The following CDH22 variants were observed in gnomAD, a reference collection of about 807,000 sequenced individuals.
The protein encoded by CDH22 is cadherin 22, also known as cadherin-22.
In CDH22, 30 loss-of-function variants were observed where a neutral mutation model predicts 58.4. The observed-to-expected ratio is 0.51, with a 90% CI of 0.38 to 0.70. The LOEUF (loss-of-function observed/expected upper bound fraction) is 0.70, where lower values mean the gene tolerates loss of function less well. Ranked by LOEUF, CDH22 falls within the 30% of genes least tolerant of loss-of-function variation. The pLI is 0.00. For synonymous variants in CDH22, 513 were observed against 558.2 expected (o/e 0.92, Z 1.14); for missense variants, 1,014 against 1,233.9 (o/e 0.82, Z 2.67).
rs916092480 is a variant in CDH22, at chr20:46,274,375, G to C, written c.-399-22682C>G. Among the ~76,000 whole-genome samples, 2 of 152,186 alleles carry C rather than the reference G, an allele frequency of 1.3e-5. 1 individual carries two copies. Among genetic ancestry groups the C allele is most frequent in the Admixed American group, 1.3e-4 (2 of 15,266 alleles). ...CTGGACACCACGTGCCCAAGTTATGGATGATGGTTCTAATGCCTTTCTCCT... is the reference window on the plus strand; with the variant it reads ...CTGGACACCACGTGCCCAAGTTATGCATGATGGTTCTAATGCCTTTCTCCT... On this transcript the variant is annotated intron_variant, in intron 1 of 11. Transcript: ENST00000537909.
intron 3 of CDH22, among the ~76,000 whole-genome samples, chr20:46,236,536 TATATATAA>T (rs1026698600): frequency 7.1e-5 from 10 of 140,496 alleles, no homozygotes; most frequent in African/African-American, 1.6e-4. Context: ...ATAATATATT[TATATATAA>T]ATATATAAAT....
chr20:46,189,262 C>T (rs1022465383), intron 8 of CDH22, among the ~76,000 whole-genome samples: 1 of 152,094 alleles, frequency 6.6e-6, no homozygotes, highest in Non-Finnish European at 1.5e-5. Context: ...TTTTCCAGGG[C>T]GAGAGATGGG....
At chr20:46,238,374 T>A (rs1306699344) in intron 3 of CDH22, among the ~76,000 whole-genome samples, 2 of 152,156 alleles carry the variant, frequency 1.3e-5, no homozygotes, top group Non-Finnish European at 2.9e-5. Context: ...GTTTACCCAT[T>A]AGCAAAATTG....
At position 46,210,252 on chromosome 20, in the gene CDH22, G is replaced by C; in HGVS notation, c.1286+55C>G. ...TCCCCTCTGCCCGCAGTCTGTCCGC[G>C]GGGGTGATGGCGGGATAGCAGGCAG... On this transcript the variant is annotated intron_variant, in intron 7 of 11. Transcript: ENST00000537909. This position sits in a 1 kb window ranked among gnomAD's most constrained non-coding sequence, Gnocchi z 4.5. 2.9e-6 allele frequency: 4 copies of C among 1,359,012 alleles called. No individual in the cohort carries two copies. The South Asian group carries it at 5.0e-5, about 17-fold the overall frequency. 84.2% of individuals were successfully genotyped at this position (1,359,012 alleles called of 1,614,324 possible).
Position 46,174,962 on chromosome 20 carries a change from C to T in CDH22, c.2031G>A (p.Glu677=). ...VIKYNDEGGG[E]QDTEAYDMSA... The stretch of plus-strand genomic sequence containing the variant: ...ACATGTCGTAGGCTTCGGTGTCCTG[C>T]TCGCCGCCGCCTTCGTCGTTGTATT... Residue 677 remains glutamate, a synonymous_variant, in exon 12 of 12, where the codon GAG becomes GAA. Coordinates refer to ENST00000537909, the MANE Select transcript of CDH22 (RefSeq NM_021248.3). The surrounding 1 kb of genome is among the most constrained non-coding windows in gnomAD (Gnocchi z 4.4). 4 of 1,602,064 alleles carry T rather than the reference C, an allele frequency of 2.5e-6. No individual in the cohort carries two copies. Among genetic ancestry groups the T allele is most frequent in the Non-Finnish European group, 2.5e-6 (3 of 1,178,804 alleles).
intron 1 of CDH22, among the ~76,000 whole-genome samples, chr20:46,253,138 G>C (rs998266909): frequency 1.3e-5 from 2 of 152,230 alleles, no homozygotes; most frequent in Non-Finnish European, 2.9e-5. Flanking sequence ...TAACTCTAGG[G>C]AGGAAGAAAC....
chr20:46,229,353 C>T (rs2071908327), intron 3 of CDH22, among the ~76,000 whole-genome samples: 1 of 147,206 alleles, frequency 6.8e-6, no homozygotes, highest in South Asian at 2.2e-4. Context: ...TCACTGAGGG[C>T]ACAGAGTGAG....
intron 1 of CDH22, among the ~76,000 whole-genome samples, chr20:46,306,222 C>A (rs563600918): frequency 6.6e-6 from 1 of 152,362 alleles, no homozygotes; most frequent in East Asian, 1.9e-4. Context: ...TCTGTTTTGC[C>A]CCAGGCCTAC....
At chr20:46,178,920 C>G (rs985678048) in intron 10 of CDH22, among the ~76,000 whole-genome samples, 6 of 152,170 alleles carry the variant, frequency 3.9e-5, no homozygotes, top group African/African-American at 1.4e-4. Context: ...AGGCCTTCTC[C>G]ACATCTTTCC....
At position 46,214,562 on chromosome 20, in the gene CDH22, T is replaced by C. The variant is rs141057647; in HGVS notation, c.839-1374A>G. ...ACACTGCCTGGCCCCTTCTGGCTTC[T>C]CCAGCCTCATCCTCCAATCCCCACT... On this transcript the variant is annotated intron_variant, in intron 5 of 11. Coordinates refer to ENST00000537909, the MANE Select transcript of CDH22 (RefSeq NM_021248.3). Among the ~76,000 whole-genome samples, 159 of 152,318 alleles carry C rather than the reference T, an allele frequency of 1.0e-3. 2 individuals carry two copies. The highest frequency in any genetic ancestry group is 3.7e-3 in the African/African-American group (155 of 41,572).
intron 3 of CDH22, among the ~76,000 whole-genome samples, chr20:46,236,935 C>T (rs2086257709): frequency 1.3e-5 from 2 of 152,204 alleles, no homozygotes; most frequent in African/African-American, 4.8e-5. Context: ...TCAGGCAATT[C>T]ACCGGCCTTG....
At position 46,257,025 on chromosome 20, in the gene CDH22, A is replaced by G. The variant is rs561492833; in HGVS notation, c.-399-5332T>C. The stretch of plus-strand genomic sequence containing the variant: ...CTGTCTCTAAAAGAAAAAAAAAAAA[A>G]GGCCAGGCATGGTGGCTCATACCTG... On this transcript the variant is annotated intron_variant, in intron 1 of 11. Coordinates refer to ENST00000537909, the MANE Select transcript of CDH22 (RefSeq NM_021248.3). Among the ~76,000 whole-genome samples, 20 of 147,388 alleles carry G rather than the reference A, an allele frequency of 1.4e-4. No individual in the cohort carries two copies. The South Asian group carries it at 4.4e-3, about 32-fold the overall frequency.
chr20:46,307,834 G>A (rs1176417619), intron 1 of CDH22, among the ~76,000 whole-genome samples: 1 of 151,978 alleles, frequency 6.6e-6, no homozygotes, highest in African/African-American at 2.4e-5. Context: ...TTGGGGGACC[G>A]GGAACGCCTG....
At chr20:46,181,787 CTTTCTTTT>C (rs1165272904) in intron 10 of CDH22, among the ~76,000 whole-genome samples, 3 of 129,836 alleles carry the variant, frequency 2.3e-5, no homozygotes, top group East Asian at 2.2e-4. Flanking sequence ...TTCTTTCTTT[CTTTCTTTT>C]CTCTCTCTTT....
At chr20:46,185,084 T>TCAAACAAACAAA (rs139877494) in intron 10 of CDH22, among the ~76,000 whole-genome samples, 12,252 of 149,162 alleles carry the variant, frequency 0.082, 558 homozygotes, top group Non-Finnish European at 0.11. Context: ...AGATGCTGTC[T>TCAAACAAACAAA]CAAACAAACA....
intron 1 of CDH22, among the ~76,000 whole-genome samples, chr20:46,296,813 G>A (rs2086631052): frequency 6.6e-6 from 1 of 152,178 alleles, no homozygotes; most frequent in Non-Finnish European, 1.5e-5. Context: ...ATTTCCCAAA[G>A]CATTTTCTCT....
At position 46,216,604 on chromosome 20, in the gene CDH22, T is replaced by C. The variant is rs148214636; in HGVS notation, c.838+222A>G. ...GGTGATGGTGTGTTACTTGGCTCTG[T>C]GGAGCATCGGACAGCCCTGGGGTCT... On this transcript the variant is annotated intron_variant, in intron 5 of 11. Transcript: ENST00000537909. This position sits in a 1 kb window ranked among gnomAD's most constrained non-coding sequence, Gnocchi z 5.3. Among the ~76,000 whole-genome samples, 7 of 152,132 alleles carry C rather than the reference T, an allele frequency of 4.6e-5. No homozygotes were observed. Among genetic ancestry groups the C allele is most frequent in the East Asian group, 1.9e-4 (1 of 5,154 alleles).
chr20:46,194,047 C>T (rs1232705237), intron 8 of CDH22, among the ~76,000 whole-genome samples: 2 of 152,106 alleles, frequency 1.3e-5, no homozygotes, highest in Middle Eastern at 3.2e-3. Context: ...AATAGATGTC[C>T]CCTCCTCTGG....
chr20:46,202,743 C>T (rs2085971047), intron 7 of CDH22, among the ~76,000 whole-genome samples: 1 of 152,200 alleles, frequency 6.6e-6, no homozygotes, highest in Non-Finnish European at 1.5e-5. Context: ...CCCTTTGCCC[C>T]AGCCTGGCCC....
Sources: allele counts gnomAD v4.1 joint callset (sites outside exome capture counted in the v4.1 genomes callset), GRCh38; gene constraint gnomAD v4.1.1; non-coding constraint Gnocchi (gnomAD v3.1); transcripts MANE v1.5; gene names NCBI Gene and HGNC (gene_info 2026-07-23, HGNC 2026-07-21).